Variants in DIAPH3 observed in about 807,000 individuals in gnomAD.
DIAPH3 encodes protein diaphanous homolog 3.
A neutral mutation model predicts 144.3 loss-of-function variants in DIAPH3; 117 were observed. That is an observed-to-expected ratio of 0.81 (90% confidence interval 0.70 to 0.95). DIAPH3 has a LOEUF of 0.95. Among genes scored for constraint, DIAPH3 ranks in the 40% least tolerant of loss-of-function variants. The pLI, the probability that DIAPH3 is intolerant of heterozygous loss-of-function variation, is 0.00. For missense variants in DIAPH3, 1,421 were observed against 1,412.7 expected, an observed-to-expected ratio of 1.01 and a Z score of -0.09; for synonymous variants, 519 against 488.9, an observed-to-expected ratio of 1.06 and a Z score of -0.81.
chr13:60,117,569 A>T, intron 2 of DIAPH3, among the ~76,000 whole-genome samples: 1 of 152,120 alleles, frequency 6.6e-6, no homozygotes. Flanking sequence ...GGGCACTATA[A>T]CAAAGCTAGG....
Position 59,839,394 on chromosome 13 carries a change from T to A in DIAPH3, c.2792A>T (p.Gln931Leu), listed in dbSNP as rs1001583947. 1.2e-6 allele frequency: 2 copies of A among 1,613,672 alleles called. No individual in the cohort carries two copies. Among genetic ancestry groups the A allele is most frequent in the Non-Finnish European group, 1.7e-6 (2 of 1,179,824 alleles). The change falls in exon 23 of 28, where the codon CAG becomes CTG. Residue 931 changes from glutamine to leucine, a missense_variant. Transcript: ENST00000400324. The part of the protein sequence containing the change: ...NLRQMGRQLQ[Q>L]LEKELETFPP... ...AAAGGTTTCCAATTCCTTCTCAAGC[T>A]GTTGAAGCTGCCTTCCCATCTGCCT... is the stretch of plus-strand genomic sequence containing the variant.
intron 23 of DIAPH3, chr13:59,839,072 C>A: frequency 2.9e-6 from 1 of 347,526 alleles, no homozygotes; most frequent in South Asian, 2.7e-5. Flanking sequence ...GATCATGCCA[C>A]CGCACTCCAG....
chr13:60,062,381 C>T (rs1177073084), intron 4 of DIAPH3, among the ~76,000 whole-genome samples: 1 of 152,128 alleles, frequency 6.6e-6, no homozygotes, highest in Non-Finnish European at 1.5e-5. Flanking sequence ...TCCTGTTGAG[C>T]TCTGGAAATA....
intron 27 of DIAPH3, among the ~76,000 whole-genome samples, chr13:59,711,209 T>C (rs1476523137): frequency 6.6e-6 from 1 of 152,222 alleles, no homozygotes; most frequent in African/African-American, 2.4e-5. Context: ...TAAGTGAGCA[T>C]AGTGATTTGT....
chr13:60,005,961 T>C (rs2052848691), intron 9 of DIAPH3, among the ~76,000 whole-genome samples: 1 of 152,208 alleles, frequency 6.6e-6, no homozygotes, highest in South Asian at 2.1e-4. Context: ...TTTTAACTGA[T>C]AGTTCTCTTT....
At chr13:59,982,201 T>C (rs1369955036) in intron 13 of DIAPH3, among the ~76,000 whole-genome samples, 1 of 151,476 alleles carries the variant, frequency 6.6e-6, no homozygotes, top group Non-Finnish European at 1.5e-5. Context: ...TACAATTAAT[T>C]TATTAAAACT....
intron 4 of DIAPH3, among the ~76,000 whole-genome samples, chr13:60,085,651 C>T (rs539924665): frequency 3.3e-5 from 5 of 152,132 alleles, no homozygotes; most frequent in Non-Finnish European, 7.4e-5. Flanking sequence ...TCATCAATTA[C>T]TTAGCCCCTT....
chr13:59,679,052 G>C (rs2032795676), intron 27 of DIAPH3, among the ~76,000 whole-genome samples: 1 of 152,146 alleles, frequency 6.6e-6, no homozygotes, highest in Non-Finnish European at 1.5e-5. Flanking sequence ...AATTCTGATG[G>C]TTTTTGCCGA....
intron 5 of DIAPH3, among the ~76,000 whole-genome samples, chr13:60,025,950 A>G (rs895989128): frequency 4.6e-5 from 7 of 152,214 alleles, no homozygotes; most frequent in Non-Finnish European, 8.8e-5. Context: ...AGAAAAAACT[A>G]TGCCTACAAT....
At chr13:60,056,534 G>A (rs2056566980) in intron 4 of DIAPH3, among the ~76,000 whole-genome samples, 1 of 151,506 alleles carries the variant, frequency 6.6e-6, no homozygotes, top group Non-Finnish European at 1.5e-5. Context: ...GTCTATAAGG[G>A]CCTAGAAGAT....
chr13:60,089,939 C>T (rs904876052), intron 4 of DIAPH3, among the ~76,000 whole-genome samples: 4 of 152,092 alleles, frequency 2.6e-5, no homozygotes, highest in African/African-American at 7.2e-5. Flanking sequence ...TCTTTAACAG[C>T]GGCAAAGAAA....
chr13:59,983,694 G>C (rs571425732), intron 13 of DIAPH3, 75 bp downstream of exon 13: 8 of 1,025,116 alleles, frequency 7.8e-6, no homozygotes, highest in African/African-American at 4.8e-5. Context: ...GACACAACCC[G>C]AGAACCAATG....
At chr13:60,093,486 A>G (rs1162647639) in intron 4 of DIAPH3, 142 bp downstream of exon 4, 1 of 629,930 alleles carries the variant, frequency 1.6e-6, no homozygotes, top group African/African-American at 1.8e-5. Flanking sequence ...CAAATGTATA[A>G]TATACTTGTG....
intron 17 of DIAPH3, among the ~76,000 whole-genome samples, chr13:59,937,807 G>C (rs1045008716): frequency 2.0e-5 from 3 of 152,080 alleles, no homozygotes; most frequent in African/African-American, 7.2e-5. Context: ...GAGGTGGGGA[G>C]GCAGGGGAGG....
chr13:60,007,845 C>A (rs886697828), intron 9 of DIAPH3, among the ~76,000 whole-genome samples: 3 of 152,062 alleles, frequency 2.0e-5, no homozygotes, highest in Non-Finnish European at 4.4e-5. Context: ...TTATTATTCA[C>A]GTAAGCTCAA....
At chr13:60,145,519 G>A (rs1041057059) in intron 1 of DIAPH3, among the ~76,000 whole-genome samples, 8 of 152,082 alleles carry the variant, frequency 5.3e-5, no homozygotes, top group South Asian at 2.1e-4. Context: ...GCGTGGTGGC[G>A]GGCACCTGTA....
chr13:60,030,260 T>C (rs2054693373), intron 5 of DIAPH3, among the ~76,000 whole-genome samples: 1 of 152,230 alleles, frequency 6.6e-6, no homozygotes. Flanking sequence ...GGAATACTTG[T>C]TGCATATATA....
chr13:59,926,090 A>C (rs1436295377), intron 17 of DIAPH3, among the ~76,000 whole-genome samples: 2 of 152,098 alleles, frequency 1.3e-5, no homozygotes, highest in Non-Finnish European at 2.9e-5. Context: ...GGCTCAATTG[A>C]TCCTCCCACC....
chr13:59,755,254 G>C (rs1009798821), intron 27 of DIAPH3, among the ~76,000 whole-genome samples: 1 of 152,096 alleles, frequency 6.6e-6, no homozygotes, highest in Non-Finnish European at 1.5e-5. Flanking sequence ...TGAAGAAAAT[G>C]TGCACAGCCA....
Sources: allele counts gnomAD v4.1 joint callset (sites outside exome capture counted in the v4.1 genomes callset), GRCh38; gene constraint gnomAD v4.1.1; transcripts MANE v1.5; gene names NCBI Gene and HGNC (gene_info 2026-07-23, HGNC 2026-07-21).